DOP1A: variants seen among roughly 807,000 people sequenced by gnomAD.
The protein encoded by DOP1A is protein DOP1A.
DOP1A carries 90 observed loss-of-function variants against 267.6 expected under a neutral mutation model. That is an observed-to-expected ratio of 0.34 (90% CI 0.28 to 0.40). The LOEUF (loss-of-function observed/expected upper bound fraction) is 0.40, where lower values mean the gene tolerates loss of function less well. Ranked by LOEUF, DOP1A falls within the 10% of genes least tolerant of loss-of-function variation. The pLI, the probability that DOP1A is intolerant of heterozygous loss-of-function variation, is 1.00. For missense variants in DOP1A, 2,437 were observed against 2,900.4 expected (o/e 0.84, Z 3.67); for synonymous variants, 932 against 999.1 (o/e 0.93, Z 1.27).
intron 34 of DOP1A, 57 bp downstream of exon 34, chr6:83,156,160 A>G: frequency 2.1e-6 from 3 of 1,416,168 alleles, no homozygotes; most frequent in Non-Finnish European, 2.9e-6. Flanking sequence ...GGTTCCTTAG[A>G]AAATACTTCT....
chr6:83,119,918 G>A (rs1776087302), intron 9 of DOP1A, 61 bp downstream of exon 9: 8 of 1,354,664 alleles, frequency 5.9e-6, no homozygotes, highest in Non-Finnish European at 1.0e-6. Context: ...GTGAAAAAGT[G>A]TAAGACGAGG....
At chr6:83,093,083 G>A (rs1323099193) in intron 1 of DOP1A, among the ~76,000 whole-genome samples, 1 of 152,106 alleles carries the variant, frequency 6.6e-6, no homozygotes, top group Non-Finnish European at 1.5e-5. Context: ...AAGTCCCTTA[G>A]CATCAAATAT....
At chr6:83,163,233 A>G (rs1363453265) in intron 38 of DOP1A, among the ~76,000 whole-genome samples, 9 of 152,212 alleles carry the variant, frequency 5.9e-5, no homozygotes, top group Admixed American at 3.9e-4. Flanking sequence ...GGAACCATAC[A>G]TGTGAGTATT....
At chr6:83,158,874 A>G (rs1187726787) in intron 36 of DOP1A, among the ~76,000 whole-genome samples, 1 of 152,226 alleles carries the variant, frequency 6.6e-6, no homozygotes, top group Non-Finnish European at 1.5e-5. Context: ...TGTTTCAGCT[A>G]CATGAGCTAG....
chr6:83,145,555 T>C lies in DOP1A; in HGVS notation c.5573T>C (p.Leu1858Ser), dbSNP rs148619159. 23 of 1,608,034 alleles carry C rather than the reference T, an allele frequency of 1.4e-5. No homozygotes were observed. The African/African-American group carries it at 2.6e-4, about 18-fold the overall frequency. ...VIPAASEEQL[L>S]LVELVRSISV... is the part of the protein sequence containing the mutation. Reference sequence around the variant, plus strand: ...CCTGCAGCCAGTGAAGAACAGCTTTTATTAGTGGAATTGGTTCGTTCAATC... The same window carrying C: ...CCTGCAGCCAGTGAAGAACAGCTTTCATTAGTGGAATTGGTTCGTTCAATC... Residue 1858 changes from leucine (L) to serine (S), a missense_variant, in exon 25 of 39, where the codon TTA becomes TCA. This residue lies in a region of DOP1A where 307 missense variants were observed against 308.6 expected (regional missense o/e 0.99). Transcript: ENST00000349129.
At chr6:83,091,302 T>C (rs117220109) in intron 1 of DOP1A, among the ~76,000 whole-genome samples, 2,039 of 152,234 alleles carry the variant, frequency 0.013, 18 homozygotes, top group Non-Finnish European at 0.018. Flanking sequence ...AACCATCTTT[T>C]CACATGAAAA....
At chr6:83,106,419 GA>G (rs1216759843) in intron 4 of DOP1A, among the ~76,000 whole-genome samples, 1 of 151,992 alleles carries the variant, frequency 6.6e-6, no homozygotes, top group African/African-American at 2.4e-5. Context: ...TAACAAGGAG[GA>G]AAAAAGGAAT....
chr6:83,158,501 TTAAAGA>T, intron 35 of DOP1A, 60 bp from the exon 36 acceptor site: 1 of 1,235,130 alleles, frequency 8.1e-7, no homozygotes, highest in Non-Finnish European at 1.2e-6. Flanking sequence ...AAAATACAAC[TTAAAGA>T]TAACTTGAAA....
At chr6:83,091,770 T>G (rs1405074469) in intron 1 of DOP1A, among the ~76,000 whole-genome samples, 1 of 152,204 alleles carries the variant, frequency 6.6e-6, no homozygotes, top group East Asian at 1.9e-4. Context: ...TGAATGCTAT[T>G]TTATATCTTA....
downstream of DOP1A, chr6:83,171,210 T>G (rs1042625009): frequency 2.6e-5 from 4 of 152,132 alleles, no homozygotes; most frequent in Admixed American, 6.6e-5. Context: ...GGAGGGGGTA[T>G]GAAGAATGTA....
chr6:83,078,161 A>G (rs746065843), intron 1 of DOP1A, among the ~76,000 whole-genome samples: 33 of 152,222 alleles, frequency 2.2e-4, no homozygotes, highest in South Asian at 4.1e-4. Context: ...ACAATTGCCT[A>G]GGTTTTGCTT....
chr6:83,128,223 A>C (rs772172591), intron 15 of DOP1A, among the ~76,000 whole-genome samples: 48 of 152,320 alleles, frequency 3.2e-4, no homozygotes, highest in Non-Finnish European at 5.6e-4. Context: ...CTAAGCCAGA[A>C]AATATGCTTG....
chr6:83,070,522 C>T (rs908591124), intron 1 of DOP1A, among the ~76,000 whole-genome samples: 4 of 152,066 alleles, frequency 2.6e-5, no homozygotes, highest in East Asian at 1.9e-4. Context: ...TATATGCACC[C>T]GTGTAGCTAC....
chr6:83,116,398 G>C (rs1435111935), intron 7 of DOP1A, among the ~76,000 whole-genome samples: 3 of 151,972 alleles, frequency 2.0e-5, no homozygotes, highest in Non-Finnish European at 4.4e-5. Context: ...ACATTTTATT[G>C]TACAATACCA....
At chr6:83,119,703 T>G (rs1562319795) in intron 8 of DOP1A, 45 bp from the exon 9 acceptor site, 1 of 1,549,820 alleles carries the variant, frequency 6.5e-7, no homozygotes. Flanking sequence ...AACAACAGTT[T>G]TGAGAATTCC....
intron 38 of DOP1A, chr6:83,165,770 T>G: frequency 4.0e-6 from 1 of 247,910 alleles, no homozygotes; most frequent in South Asian, 4.8e-5. Context: ...GCGTTGGTTG[T>G]GCAACGTGCG....
chr6:83,093,798 C>T (rs530473408), intron 1 of DOP1A, among the ~76,000 whole-genome samples: 4 of 152,192 alleles, frequency 2.6e-5, no homozygotes, highest in South Asian at 4.2e-4. Flanking sequence ...CCCAGCTGCT[C>T]GGGAGGCTGA....
chr6:83,142,819 T>C lies in DOP1A; in HGVS notation c.5541+773T>C, dbSNP rs564850701. On this transcript the variant is annotated intron_variant, in intron 24 of 38. Transcript: ENST00000349129. ...TGCTGTTGGTCTTAGCTGAGTTATA[T>C]ATGTGAATTTTGTTGCTTTCTGAGT... Among the ~76,000 whole-genome samples the C allele has an allele frequency of 1.9e-4, 29 of 152,278 alleles. No homozygotes were observed. The East Asian group carries it at 5.6e-3, about 29-fold the overall frequency.
chr6:83,119,048 T>C lies in DOP1A; in HGVS notation c.880+61T>C. On this transcript the variant is annotated intron_variant, in intron 8 of 38. Coordinates refer to ENST00000349129, the MANE Select transcript of DOP1A (RefSeq NM_015018.4). ...AAAATGGAGGGAGATTTGTCATGTA[T>C]AAGTATTACCAAGTTGTATGTATGT... 3.5e-6 allele frequency: 5 copies of C among 1,426,790 alleles called. No individual in the cohort carries two copies. In the Admixed American group the frequency reaches 8.5e-5, roughly 24 times the overall value. The allele number at this position is 1,426,790 out of a possible 1,614,324, so 88.4% of individuals were successfully genotyped here.
Sources: gnomAD v4.1 joint callset for allele counts (sites outside exome capture counted in the v4.1 genomes callset) on GRCh38, gnomAD v4.1.1 for gene constraint, gnomAD v4.1.1 regional missense constraint, MANE v1.5 for transcripts, NCBI Gene and HGNC (gene_info 2026-07-23, HGNC 2026-07-21) for gene names.